NFIA: variants seen among roughly 807,000 people sequenced by gnomAD.
NFIA encodes the protein nuclear factor I A, also known as nuclear factor 1 A-type.
NFIA carries 8 observed loss-of-function variants against 62.8 expected under a neutral mutation model. The observed-to-expected ratio is 0.13, with a 90% confidence interval of 0.07 to 0.23. The LOEUF is 0.23. Among genes scored for constraint, NFIA ranks in the 10% least tolerant of loss-of-function variants. The pLI is 1.00. For synonymous variants in NFIA, 235 were observed against 238.1 expected, an observed-to-expected ratio of 0.99 and a Z score of 0.12; for missense variants, 410 against 642.1, an observed-to-expected ratio of 0.64 and a Z score of 3.91.
intron 3 of NFIA, among the ~76,000 whole-genome samples, chr1:61,330,685 A>G (rs1661255066): frequency 6.6e-6 from 1 of 152,180 alleles, no homozygotes; most frequent in Non-Finnish European, 1.5e-5. Flanking sequence ...CCTTGTGTTT[A>G]CATTCACGCT....
At chr1:61,193,419 G>A (rs1394850405) in intron 2 of NFIA, among the ~76,000 whole-genome samples, 1 of 152,174 alleles carries the variant, frequency 6.6e-6, no homozygotes, top group Admixed American at 6.5e-5. Context: ...ATGACATGTG[G>A]AAGTCACTCT....
chr1:61,095,596 A>G (rs1378635997), intron 2 of NFIA, among the ~76,000 whole-genome samples: 3 of 152,220 alleles, frequency 2.0e-5, no homozygotes, highest in Non-Finnish European at 4.4e-5. Context: ...TTCACTGTCA[A>G]ATTCAGATGT....
intron 2 of NFIA, among the ~76,000 whole-genome samples, chr1:61,128,114 A>C (rs1400666199): frequency 6.6e-6 from 1 of 152,094 alleles, no homozygotes; most frequent in Non-Finnish European, 1.5e-5. Context: ...TTTAATTTTT[A>C]AATTTTTATT....
intron 9 of NFIA, among the ~76,000 whole-genome samples, chr1:61,421,827 T>C (rs1449443807): frequency 6.6e-6 from 1 of 152,218 alleles, no homozygotes; most frequent in African/African-American, 2.4e-5. Context: ...TGCCTTTCTG[T>C]GATTACATGT....
chr1:61,086,339 A>G (rs537402207), intron 1 of NFIA, among the ~76,000 whole-genome samples: 186 of 152,306 alleles, frequency 1.2e-3, no homozygotes, highest in Middle Eastern at 3.4e-3. Context: ...GGTTTGGCGT[A>G]TACCTTTGCA....
chr1:61,090,503 C>A (rs537227438), intron 2 of NFIA, among the ~76,000 whole-genome samples: 2 of 152,156 alleles, frequency 1.3e-5, no homozygotes, highest in East Asian at 3.9e-4. Context: ...GCAATCTTTT[C>A]GCTGTTCTCA....
chr1:61,455,403 G>A lies in NFIA; in HGVS notation c.*83G>A, dbSNP rs1668254740. The stretch of plus-strand genomic sequence containing the variant: ...AACATGGACGCAACCTCAACCCAGC[G>A]CAGTTACAACTTCACTATCAGCGGA... On this transcript the variant is annotated 3_prime_UTR_variant, in exon 11 of 11. Transcript: ENST00000403491. The A allele has an allele frequency of 7.5e-6, 12 of 1,609,266 alleles. No homozygotes were observed. The highest frequency in any genetic ancestry group is 9.3e-6 in the Non-Finnish European group (11 of 1,177,762).
At chr1:61,432,844 G>A (rs1040402288) in intron 10 of NFIA, among the ~76,000 whole-genome samples, 1 of 151,908 alleles carries the variant, frequency 6.6e-6, no homozygotes, top group Non-Finnish European at 1.5e-5. Flanking sequence ...AGTCTTATTG[G>A]CCAAATGAAT....
intron 2 of NFIA, among the ~76,000 whole-genome samples, chr1:61,183,897 C>T (rs947792172): frequency 2.6e-5 from 4 of 151,942 alleles, no homozygotes; most frequent in African/African-American, 9.7e-5. Flanking sequence ...AAAACGTACA[C>T]GTGCGCAAAC....
intron 2 of NFIA, among the ~76,000 whole-genome samples, chr1:61,174,659 G>A (rs1570314837): frequency 6.6e-6 from 1 of 152,144 alleles, no homozygotes; most frequent in East Asian, 1.9e-4. Context: ...GTGTGGTTTT[G>A]TTTTTGATTC....
At chr1:61,321,587 A>T (rs1660681389) in intron 3 of NFIA, among the ~76,000 whole-genome samples, 1 of 152,152 alleles carries the variant, frequency 6.6e-6, no homozygotes, top group Non-Finnish European at 1.5e-5. Flanking sequence ...GACAAAATCT[A>T]GGTAAATTAC....
chr1:61,120,116 T>C (rs1439206992), intron 2 of NFIA, among the ~76,000 whole-genome samples: 2 of 152,206 alleles, frequency 1.3e-5, no homozygotes, highest in African/African-American at 2.4e-5. Flanking sequence ...CCAGATTTCA[T>C]TGGTTTAAAT....
intron 10 of NFIA, among the ~76,000 whole-genome samples, chr1:61,437,773 G>A (rs1340014757): frequency 1.3e-5 from 2 of 152,194 alleles, no homozygotes; most frequent in Non-Finnish European, 2.9e-5. Context: ...GATATACTTG[G>A]TGGGGAGAAC....
intron 6 of NFIA, among the ~76,000 whole-genome samples, chr1:61,380,394 C>T (rs369965096): frequency 1.3e-5 from 2 of 151,980 alleles, no homozygotes; most frequent in East Asian, 3.9e-4. Flanking sequence ...GAAAGAAAGC[C>T]AATCAGTCAT....
chr1:61,290,096 T>C (rs1280196851), intron 3 of NFIA, among the ~76,000 whole-genome samples: 1 of 152,012 alleles, frequency 6.6e-6, no homozygotes, highest in African/African-American at 2.4e-5. Context: ...GTTCTTTTTT[T>C]CTACAGTCTC....
At position 61,103,656 on chromosome 1, in the gene NFIA, G is replaced by A. The variant is rs140255649; in HGVS notation, c.559+14976G>A. On this transcript the variant is annotated intron_variant, in intron 2 of 10. Coordinates refer to ENST00000403491, the MANE Select transcript of NFIA (RefSeq NM_001134673.4). Reference sequence around the variant, plus strand: ...GGTGACTAGATGAGAAATCTGGATTGAACAAAACAAGAACTTGAGAAGCTT... The same window carrying A: ...GGTGACTAGATGAGAAATCTGGATTAAACAAAACAAGAACTTGAGAAGCTT... Among the ~76,000 whole-genome samples, 909 of 152,198 alleles carry A rather than the reference G, an allele frequency of 6.0e-3. 4 individuals are homozygous for A. The highest frequency in any genetic ancestry group is 0.01 in the Non-Finnish European group (689 of 67,994).
At chr1:61,280,167 T>C (rs1317857844) in intron 3 of NFIA, among the ~76,000 whole-genome samples, 1 of 152,232 alleles carries the variant, frequency 6.6e-6, no homozygotes, top group Non-Finnish European at 1.5e-5. Flanking sequence ...TAAAGACACG[T>C]AATCCCAAAA....
At chr1:61,430,197 A>G (rs1372830002) in intron 10 of NFIA, among the ~76,000 whole-genome samples, 1 of 152,098 alleles carries the variant, frequency 6.6e-6, no homozygotes, top group East Asian at 1.9e-4. Context: ...ACTGTTGATC[A>G]GAGTAATTGT....
At chr1:61,318,528 C>T (rs558720102) in intron 3 of NFIA, among the ~76,000 whole-genome samples, 1 of 152,300 alleles carries the variant, frequency 6.6e-6, no homozygotes, top group South Asian at 2.1e-4. Context: ...ACACTCTAAA[C>T]CAATAGTTCT....
Sources: gnomAD v4.1 joint callset for allele counts (sites outside exome capture counted in the v4.1 genomes callset) on GRCh38, gnomAD v4.1.1 for gene constraint, MANE v1.5 for transcripts, NCBI Gene and HGNC (gene_info 2026-07-23, HGNC 2026-07-21) for gene names.